The following RAB2A variants were observed in gnomAD, a reference collection of about 807,000 sequenced individuals.
The protein encoded by RAB2A is ras-related protein Rab-2A.
RAB2A carries 7 observed loss-of-function variants against 32.5 expected under a neutral mutation model. That is an observed-to-expected ratio of 0.22 (90% CI 0.12 to 0.40). RAB2A has a LOEUF of 0.40. Ranked by LOEUF, RAB2A falls within the 10% of genes least tolerant of loss-of-function variation. RAB2A has a pLI of 1.00. For missense variants in RAB2A, 108 were observed against 260.7 expected (o/e 0.41, Z 4.03); for synonymous variants, 79 against 85.2 (o/e 0.93, Z 0.40).
Position 60,590,910 on chromosome 8 carries a change from G to A in RAB2A, c.363-948G>A, listed in dbSNP as rs375125700. Among the ~76,000 whole-genome samples the A allele has an allele frequency of 1.6e-3, 243 of 151,834 alleles. 9 individuals are homozygous for A. In the South Asian group the frequency reaches 0.049, roughly 30 times the overall value. Reference sequence around the variant, plus strand: ...ATGAGAATGAAAACACCAAATTTAGGTAGTGGTTACCTTTAGGGTAAGAGG... The same window carrying A: ...ATGAGAATGAAAACACCAAATTTAGATAGTGGTTACCTTTAGGGTAAGAGG... On this transcript the variant is annotated intron_variant, in intron 5 of 7. Coordinates refer to ENST00000262646, the MANE Select transcript of RAB2A (RefSeq NM_002865.3).
chr8:60,559,853 T>C (rs535186186), intron 2 of RAB2A, among the ~76,000 whole-genome samples: 4 of 152,340 alleles, frequency 2.6e-5, no homozygotes, highest in South Asian at 2.1e-4. Flanking sequence ...TTGATCCTTA[T>C]GTTCTGTGTG....
At chr8:60,576,414 C>T in intron 3 of RAB2A, 1 of 365,898 alleles carries the variant, frequency 2.7e-6, no homozygotes, top group Non-Finnish European at 5.4e-6. Flanking sequence ...CCAGCATATC[C>T]AAATACATTT....
intron 1 of RAB2A, among the ~76,000 whole-genome samples, chr8:60,553,799 G>A (rs1287849278): frequency 5.9e-5 from 9 of 152,178 alleles, no homozygotes; most frequent in South Asian, 2.1e-4. Context: ...ATTCATTGGC[G>A]TATATGATTG....
chr8:60,520,237 A>T (rs1807280668), intron 1 of RAB2A, among the ~76,000 whole-genome samples: 1 of 152,204 alleles, frequency 6.6e-6, no homozygotes, highest in African/African-American at 2.4e-5. Context: ...CATGATCATG[A>T]TGATACTATT....
chr8:60,584,974 G>T (rs977176874), intron 5 of RAB2A, among the ~76,000 whole-genome samples, 159 bp downstream of exon 5: 90 of 152,216 alleles, frequency 5.9e-4, no homozygotes, highest in African/African-American at 2.1e-3. Context: ...TTAAAATGAT[G>T]TTAATAAGCT....
chr8:60,541,103 A>G (rs957321491), intron 1 of RAB2A, among the ~76,000 whole-genome samples: 1 of 152,190 alleles, frequency 6.6e-6, no homozygotes, highest in Non-Finnish European at 1.5e-5. Context: ...CCTTGATATG[A>G]TGTGATGAAA....
chr8:60,547,546 C>G, intron 1 of RAB2A, among the ~76,000 whole-genome samples: 1 of 150,960 alleles, frequency 6.6e-6, no homozygotes, highest in Non-Finnish European at 1.5e-5. Context: ...CCACCTCCCT[C>G]CTGGATGGGG....
At chr8:60,579,031 GTTGTT>G (rs796707655) in intron 3 of RAB2A, among the ~76,000 whole-genome samples, 10 of 151,936 alleles carry the variant, frequency 6.6e-5, no homozygotes, top group African/African-American at 1.9e-4. Flanking sequence ...ATGTTTTTTT[GTTGTT>G]TTGTTTTGTT....
At chr8:60,614,544 C>T (rs1019921170) in intron 6 of RAB2A, among the ~76,000 whole-genome samples, 1 of 152,044 alleles carries the variant, frequency 6.6e-6, no homozygotes, top group Non-Finnish European at 1.5e-5. Flanking sequence ...GCGAGCCTGG[C>T]CAGTGACAAT....
intron 3 of RAB2A, among the ~76,000 whole-genome samples, chr8:60,577,850 G>C (rs1803670184): frequency 7.7e-6 from 1 of 129,798 alleles, no homozygotes; most frequent in Non-Finnish European, 1.6e-5. Context: ...CACCAAGTTA[G>C]CCAGGATGAT....
intron 3 of RAB2A, among the ~76,000 whole-genome samples, chr8:60,578,666 AGCTTAATATGTATAAAGTTATATTTTGT>A (rs1339691071): frequency 6.6e-5 from 10 of 152,220 alleles, no homozygotes; most frequent in African/African-American, 2.4e-4. Flanking sequence ...TTTGAACTAC[AGCTTAATATGTATAAAGTTATATTTTGT>A]GGGAGTAGAA....
chr8:60,545,528 G>C (rs1778957424), intron 1 of RAB2A, among the ~76,000 whole-genome samples: 1 of 152,120 alleles, frequency 6.6e-6, no homozygotes, highest in South Asian at 2.1e-4. Context: ...CACTCCTCCT[G>C]CCTTGGCTTC....
intron 6 of RAB2A, among the ~76,000 whole-genome samples, chr8:60,612,875 C>A (rs900750903): frequency 6.6e-6 from 1 of 152,160 alleles, no homozygotes; most frequent in Non-Finnish European, 1.5e-5. Flanking sequence ...CAGGGCTGTC[C>A]CTACTCCATC....
intron 2 of RAB2A, among the ~76,000 whole-genome samples, chr8:60,564,069 A>T (rs1004129306): frequency 1.3e-5 from 2 of 152,210 alleles, no homozygotes; most frequent in Non-Finnish European, 2.9e-5. Context: ...GTACTACCTG[A>T]CAATTGTACT....
At position 60,617,390 on chromosome 8, in the gene RAB2A, C is replaced by CA. The variant is rs145995154; in HGVS notation, c.475-1184dup. ...TATACTAAATAATACATTATCATGG[C>CA]AAAAAAGGCCCTGAGTGGAACTGTA... On this transcript the variant is annotated intron_variant, in intron 6 of 7. Coordinates refer to ENST00000262646, the MANE Select transcript of RAB2A (RefSeq NM_002865.3). Among the ~76,000 whole-genome samples the CA allele has an allele frequency of 5.8e-3, 886 of 152,070 alleles. 6 individuals are homozygous for CA. The highest frequency in any genetic ancestry group is 0.011 in the Non-Finnish European group (719 of 67,976).
intron 3 of RAB2A, among the ~76,000 whole-genome samples, chr8:60,572,807 G>T (rs544220125): frequency 6.6e-6 from 1 of 152,098 alleles, no homozygotes; most frequent in East Asian, 1.9e-4. Context: ...TGGCTTAAAG[G>T]TATTAATATT....
chr8:60,550,772 C>T (rs1016323902), intron 1 of RAB2A, among the ~76,000 whole-genome samples: 6 of 152,156 alleles, frequency 3.9e-5, no homozygotes, highest in African/African-American at 1.4e-4. Context: ...AATTATATTA[C>T]TTCTCTGCTG....
chr8:60,578,326 C>G (rs545534638), intron 3 of RAB2A, among the ~76,000 whole-genome samples: 3 of 152,246 alleles, frequency 2.0e-5, no homozygotes, highest in Non-Finnish European at 4.4e-5. Flanking sequence ...AACCAAATGA[C>G]CACATGAAAG....
chr8:60,594,603 G>T (rs180769018), intron 6 of RAB2A, among the ~76,000 whole-genome samples: 186 of 152,134 alleles, frequency 1.2e-3, no homozygotes, highest in Non-Finnish European at 3.4e-4. Flanking sequence ...ATTTACATTG[G>T]GTATTTCTCC....
Sources: allele counts gnomAD v4.1 joint callset (sites outside exome capture counted in the v4.1 genomes callset), GRCh38; gene constraint gnomAD v4.1.1; transcripts MANE v1.5; gene names NCBI Gene and HGNC (gene_info 2026-07-23, HGNC 2026-07-21).